Variants in USP47 observed in about 807,000 individuals in gnomAD.
USP47 encodes ubiquitin carboxyl-terminal hydrolase 47.
USP47 carries 35 observed loss-of-function variants against 165.1 expected under a neutral mutation model. The ratio of observed to expected loss-of-function variants is 0.21; its 90% CI spans 0.16 to 0.28. USP47 has a LOEUF of 0.28. USP47 is among the 10% of genes least tolerant of loss of function. The pLI is 1.00. For missense variants in USP47, 1,277 were observed against 1,607.4 expected, an observed-to-expected ratio of 0.79 and a Z score of 3.52; for synonymous variants, 531 against 544.5, an observed-to-expected ratio of 0.98 and a Z score of 0.35.
At chr11:11,932,784 G>A (rs1426425758) in intron 14 of USP47, among the ~76,000 whole-genome samples, 1 of 152,096 alleles carries the variant, frequency 6.6e-6, no homozygotes, top group Non-Finnish European at 1.5e-5. Context: ...ATAAATACAT[G>A]GCTCTTTAAG....
In USP47 at chr11:11,958,512, C is replaced by G. The variant is rs748025549; in HGVS notation, c.*2337C>G. 3 of 152,220 alleles carry G rather than the reference C, an allele frequency of 2.0e-5. No individual in the cohort carries two copies. Among genetic ancestry groups the G allele is most frequent in the Non-Finnish European group, 4.4e-5 (3 of 68,040 alleles). 9.4% of individuals were successfully genotyped at this position (152,220 alleles called of 1,614,324 possible). On this transcript the variant is annotated 3_prime_UTR_variant, in exon 28 of 28. Transcript: ENST00000527733. ...CAGGCAGAGCCCTAGCGATGTGGAT[C>G]AAGTTTCCTGAGCCCGGGGGCGGTG... is the stretch of plus-strand genomic sequence containing the variant.
intron 8 of USP47, among the ~76,000 whole-genome samples, chr11:11,917,702 AG>A (rs1018312709): frequency 2.0e-5 from 3 of 152,170 alleles, no homozygotes; most frequent in Admixed American, 1.3e-4. Context: ...TAAATGCAAA[AG>A]TAACTGTAGA....
chr11:11,921,328 A>G (rs146137500), intron 10 of USP47, among the ~76,000 whole-genome samples: 2 of 151,862 alleles, frequency 1.3e-5, no homozygotes, highest in Non-Finnish European at 3.0e-5. Flanking sequence ...AATTTTAAAC[A>G]TTCACTAAGT....
chr11:11,862,552 A>G (rs1353809761), intron 1 of USP47, among the ~76,000 whole-genome samples: 1 of 152,202 alleles, frequency 6.6e-6, no homozygotes, highest in African/African-American at 2.4e-5. Context: ...AATAAATTAC[A>G]TGTTTTTAGA....
rs1185927516 is a variant in USP47, at chr11:11,913,274, AAAAC to A, written c.970-6879_970-6876del. Among the ~76,000 whole-genome samples the A allele has an allele frequency of 5.2e-3, 784 of 151,030 alleles. 4 individuals carry two copies. The highest frequency in any genetic ancestry group is 0.018 in the African/African-American group (751 of 41,126). On this transcript the variant is annotated intron_variant, in intron 8 of 27. Coordinates refer to ENST00000527733, the MANE Select transcript of USP47 (RefSeq NM_001282659.2). Reference sequence around the variant, plus strand: ...TCCCTTGTACAAAAAAAAAAAAAAAAAAACAACACCTGAACTAATACGTGAGTTT... The same window carrying A: ...TCCCTTGTACAAAAAAAAAAAAAAAAAACACCTGAACTAATACGTGAGTTT...
At position 11,900,817 on chromosome 11, in the gene USP47, T is replaced by A. The variant is rs182939283; in HGVS notation, c.594-1898T>A. Among the ~76,000 whole-genome samples, 283 of 152,356 alleles carry A rather than the reference T, an allele frequency of 1.9e-3. 2 individuals are homozygous for A. The highest frequency in any genetic ancestry group is 1.9e-3 in the South Asian group (9 of 4,828). ...AAGACTTAAAACCTTTTCAGGTATT[T>A]GTACCAGGACTAAAGGACAGGTGAG... On this transcript the variant is annotated intron_variant, in intron 5 of 27. Coordinates refer to ENST00000527733, the MANE Select transcript of USP47 (RefSeq NM_001282659.2).
intron 17 of USP47, 73 bp from the exon 18 acceptor site, chr11:11,938,184 A>G (rs1029854426): frequency 7.8e-7 from 1 of 1,278,094 alleles, no homozygotes; most frequent in Admixed American, 1.8e-5. Flanking sequence ...AAACACATTA[A>G]GAATGCATTA....
chr11:11,940,078 T>G (rs1855358161), intron 18 of USP47, among the ~76,000 whole-genome samples: 1 of 152,048 alleles, frequency 6.6e-6, no homozygotes, highest in Non-Finnish European at 1.5e-5. Flanking sequence ...AAGTTCAACA[T>G]TTTGATATCA....
In USP47 at chr11:11,933,211, A is replaced by G. The variant is rs61870735; in HGVS notation, c.1764+95A>G. 7,995 of 957,576 alleles carry G rather than the reference A, an allele frequency of 8.3e-3. 61 individuals carry two copies. Among genetic ancestry groups the G allele is most frequent in the Middle Eastern group, 0.011 (51 of 4,654 alleles). The allele number at this position is 957,576 out of a possible 1,614,324, so 59.3% of individuals were successfully genotyped here. ...ACTAACTCATTGGGTTGATTCTGAG[A>G]CAATTATGCTATCATGATCATTGAA... On this transcript the variant is annotated intron_variant, in intron 15 of 27. Coordinates refer to ENST00000527733, the MANE Select transcript of USP47 (RefSeq NM_001282659.2).
intron 15 of USP47, 32 bp from the exon 16 acceptor site, chr11:11,933,799 C>T (rs748068457): frequency 6.8e-7 from 1 of 1,472,200 alleles, no homozygotes; most frequent in South Asian, 1.2e-5. Flanking sequence ...TTTGGAACTG[C>T]AGAGTTGATG....
chr11:11,860,717 T>G (rs961246360), intron 1 of USP47, among the ~76,000 whole-genome samples: 5 of 152,150 alleles, frequency 3.3e-5, no homozygotes, highest in Non-Finnish European at 7.3e-5. Context: ...TTAGCTGTAA[T>G]CAAAAATAAA....
chr11:11,950,309 TTTAAA>T, intron 23 of USP47, 50 bp from the exon 24 acceptor site: 1 of 1,269,072 alleles, frequency 7.9e-7, no homozygotes. Context: ...AGTGTCAATC[TTTAAA>T]TTGAGAGTTT....
rs926769926 is a variant in USP47 at position 11,864,167 on chromosome 11, TA to T, written c.40-16003del. On this transcript the variant is annotated intron_variant, in intron 1 of 27. Transcript: ENST00000527733. ...TATATTAATTCCTTTAATAAACAGT[TA>T]AAAAAATTTTTTTGTATTACAAGAA... 7.2e-5 allele frequency among the ~76,000 whole-genome samples: 11 copies of T among 152,128 alleles called. No homozygotes were observed. In the East Asian group the frequency reaches 9.6e-4, roughly 13 times the overall value.
At chr11:11,871,616 C>G (rs1232818184) in intron 1 of USP47, among the ~76,000 whole-genome samples, 1 of 149,102 alleles carries the variant, frequency 6.7e-6, no homozygotes, top group Non-Finnish European at 1.5e-5. Context: ...CAGGCACTCT[C>G]TTTACACACA....
chr11:11,889,947 G>A (rs752436099), intron 3 of USP47, among the ~76,000 whole-genome samples: 13 of 151,742 alleles, frequency 8.6e-5, no homozygotes, highest in Admixed American at 3.3e-4. Flanking sequence ...CAAAAGCAAC[G>A]AGGAAAGGAT....
rs751552624 is a variant in USP47 at position 11,929,522 on chromosome 11, G to C, written c.1475G>C (p.Ser492Thr). ...TATTATGCATGTATAAAGTCATTCA[G>C]TGATGAGCAGTGGTACAGCTTCAAT... is the stretch of plus-strand genomic sequence containing the variant. ...GHYYACIKSF[S>T]DEQWYSFNDQ... The change falls in exon 12 of 28, where the codon AGT becomes ACT. Residue 492 changes from serine to threonine, a missense_variant. By Grantham distance (58) the Ser-to-Thr change is moderately conservative. This residue lies in a region of USP47 where 909 missense variants were observed against 1,068.1 expected (regional missense o/e 0.85). Coordinates refer to ENST00000527733, the MANE Select transcript of USP47 (RefSeq NM_001282659.2). 2 of 1,613,322 alleles carry C rather than the reference G, an allele frequency of 1.2e-6. No homozygotes were observed. Among genetic ancestry groups the C allele is most frequent in the Non-Finnish European group, 1.7e-6 (2 of 1,179,394 alleles).
chr11:11,909,886 A>T (rs1477342517), intron 8 of USP47, among the ~76,000 whole-genome samples: 3 of 152,248 alleles, frequency 2.0e-5, no homozygotes, highest in African/African-American at 7.2e-5. Flanking sequence ...AACTATTTAC[A>T]CAAGTTTATA....
chr11:11,875,557 A>G (rs1850356645), intron 1 of USP47, among the ~76,000 whole-genome samples: 1 of 152,156 alleles, frequency 6.6e-6, no homozygotes, highest in Non-Finnish European at 1.5e-5. Flanking sequence ...AGTGCTTTTT[A>G]TCCCAATATG....
chr11:11,945,650 G>A (rs768990060), intron 20 of USP47, among the ~76,000 whole-genome samples: 7 of 152,016 alleles, frequency 4.6e-5, no homozygotes, highest in East Asian at 1.9e-4. Context: ...TAAGAAATTC[G>A]TAAGGGTCAG....
Sources: allele counts gnomAD v4.1 joint callset (sites outside exome capture counted in the v4.1 genomes callset), GRCh38; gene constraint gnomAD v4.1.1; regional missense constraint gnomAD v4.1.1; transcripts MANE v1.5; gene names NCBI Gene and HGNC (gene_info 2026-07-23, HGNC 2026-07-21).